SAMHD1: variants seen among roughly 807,000 people sequenced by gnomAD.
The protein encoded by SAMHD1 is deoxynucleoside triphosphate triphosphohydrolase SAMHD1.
Under a neutral mutation model 79.6 loss-of-function variants are expected in SAMHD1, and 54 were observed. The ratio of observed to expected loss-of-function variants is 0.68; its 90% CI spans 0.55 to 0.85. The LOEUF is 0.85. Ranked by LOEUF, SAMHD1 falls within the 40% of genes least tolerant of loss-of-function variation. SAMHD1 has a pLI of 0.00. For missense variants in SAMHD1, 663 were observed against 782.7 expected, an observed-to-expected ratio of 0.85 and a Z score of 1.82; for synonymous variants, 260 against 264.1, an observed-to-expected ratio of 0.98 and a Z score of 0.15.
chr20:36,913,248 C>T (rs867329649), intron 9 of SAMHD1, among the ~76,000 whole-genome samples: 26 of 151,180 alleles, frequency 1.7e-4, no homozygotes, highest in African/African-American at 5.6e-4. Flanking sequence ...CTGCCCGCCT[C>T]GGCCTCCCAT....
chr20:36,921,799 C>T lies in SAMHD1; in HGVS notation c.697-2280G>A, dbSNP rs562798282. On this transcript the variant is annotated intron_variant, in intron 6 of 15. Coordinates refer to ENST00000646673, the MANE Select transcript of SAMHD1 (RefSeq NM_015474.4). The stretch of plus-strand genomic sequence containing the variant: ...CGCCTCCCAGGTTCAGGTGATTCTC[C>T]TGCCTCAGCCTCCCGAGTAGCTGGG... Among the ~76,000 whole-genome samples, 4 of 151,974 alleles carry T rather than the reference C, an allele frequency of 2.6e-5. No homozygotes were observed. In the South Asian group the frequency reaches 8.3e-4, roughly 31 times the overall value.
chr20:36,937,535 G>T (rs1189002536), intron 3 of SAMHD1, among the ~76,000 whole-genome samples: 4 of 152,152 alleles, frequency 2.6e-5, no homozygotes, highest in Non-Finnish European at 2.9e-5. Context: ...ATCAAATTGT[G>T]TGTGATTGAA....
chr20:36,939,212 C>T (rs531939543), intron 3 of SAMHD1, among the ~76,000 whole-genome samples: 35 of 129,144 alleles, frequency 2.7e-4, no homozygotes, highest in Non-Finnish European at 4.9e-4. Context: ...TGATACCATG[C>T]CACTGCACTC....
At chr20:36,924,906 C>T (rs6093632) in intron 6 of SAMHD1, among the ~76,000 whole-genome samples, 30,434 of 151,712 alleles carry the variant, frequency 0.2, 3,603 homozygotes, top group African/African-American at 0.32. Flanking sequence ...CGTCTGTAAT[C>T]CCAGCGCTTT....
chr20:36,932,451 C>T (rs1272880016), intron 4 of SAMHD1, among the ~76,000 whole-genome samples: 2 of 126,450 alleles, frequency 1.6e-5, no homozygotes, highest in African/African-American at 3.1e-5. Context: ...TATACAGTTT[C>T]GTGTTTTTTT....
In SAMHD1 at chr20:36,898,525, C is replaced by G. The variant is rs1363652608; in HGVS notation, c.1523G>C (p.Gly508Ala). 6.2e-7 allele frequency: 1 copy of G among 1,613,454 alleles called. No individual in the cohort carries two copies. The highest frequency in any genetic ancestry group is 1.3e-5 in the African/African-American group (1 of 74,962). The stretch of plus-strand genomic sequence containing the variant: ...ATCAATTGGATTCTTTTCTTGCATT[C>G]CATAATCCATGTTGATAACCTAAAT... ...FIVDVINMDY[G>A]MQEKNPIDHV... Residue 508 changes from glycine to alanine, a missense_variant, in exon 14 of 16, where the codon GGA (glycine) becomes GCA (alanine). By Grantham distance (60) the Gly-to-Ala change is moderately conservative. Coordinates refer to ENST00000646673, the MANE Select transcript of SAMHD1 (RefSeq NM_015474.4).
At chr20:36,951,171 C>T (rs2063730575) in intron 1 of SAMHD1, among the ~76,000 whole-genome samples, 2 of 152,244 alleles carry the variant, frequency 1.3e-5, no homozygotes, top group South Asian at 4.1e-4. Flanking sequence ...CAGGCGACCC[C>T]ATGTCTTCTT....
intron 1 of SAMHD1, among the ~76,000 whole-genome samples, chr20:36,949,675 T>A (rs1368890880): frequency 4.8e-5 from 7 of 146,310 alleles, no homozygotes; most frequent in Non-Finnish European, 1.0e-4. Context: ...GAGAATAGCT[T>A]GAACCAGGCA....
intron 9 of SAMHD1, among the ~76,000 whole-genome samples, chr20:36,914,893 T>C (rs1215370448): frequency 6.7e-6 from 1 of 150,126 alleles, no homozygotes; most frequent in Admixed American, 6.6e-5. Flanking sequence ...GCGCCTGTGG[T>C]CCCAGCTATT....
intron 9 of SAMHD1, chr20:36,916,492 C>CA: frequency 9.0e-6 from 4 of 443,788 alleles, no homozygotes; most frequent in South Asian, 7.3e-5. Flanking sequence ...ACCAACCAAA[C>CA]AAAAAAACCC....
At chr20:36,913,599 A>C (rs1000664772) in intron 9 of SAMHD1, among the ~76,000 whole-genome samples, 1 of 149,686 alleles carries the variant, frequency 6.7e-6, no homozygotes, top group Non-Finnish European at 1.5e-5. Flanking sequence ...CAAGACTCCA[A>C]CTCAAAGAAA....
intron 9 of SAMHD1, among the ~76,000 whole-genome samples, chr20:36,915,553 A>G (rs2063469332): frequency 1.3e-5 from 2 of 151,972 alleles, no homozygotes; most frequent in Middle Eastern, 3.2e-3. Flanking sequence ...CCTGGCCAAC[A>G]TGGTGAAACC....
chr20:36,911,523 G>A (rs6130090), intron 10 of SAMHD1, 190 bp from the exon 11 acceptor site: 3 of 583,922 alleles, frequency 5.1e-6, no homozygotes, highest in Non-Finnish European at 9.2e-6. Flanking sequence ...CTGTGTTCCA[G>A]GCACTGTCGC....
At chr20:36,903,539 A>ATCT (rs2063387918) in intron 13 of SAMHD1, among the ~76,000 whole-genome samples, 18 of 145,424 alleles carry the variant, frequency 1.2e-4, no homozygotes, top group African/African-American at 3.3e-4. Context: ...GTGCCCAGCA[A>ATCT]TTTTTTTTTT....
In SAMHD1 at chr20:36,946,774, C is replaced by G; in HGVS notation, c.239G>C (p.Cys80Ser). Residue 80 changes from cysteine (C) to serine (S), a missense_variant, in exon 2 of 16, where the codon TGT (cysteine) becomes TCT (serine). By Grantham distance (112) the Cys-to-Ser change is moderately radical. Coordinates refer to ENST00000646673, the MANE Select transcript of SAMHD1 (RefSeq NM_015474.4). ...ENEITGALLP[C>S]LDESRFENLG... ...ATTTTCAAAACGAGACTCATCAAGACAAGGCAGTAATGCGCCTGTGATTTC... is the reference window on the plus strand; with the variant it reads ...ATTTTCAAAACGAGACTCATCAAGAGAAGGCAGTAATGCGCCTGTGATTTC... 6.2e-7 allele frequency: 1 copy of G among 1,613,248 alleles called. No individual in the cohort carries two copies. The highest frequency in any genetic ancestry group is 8.5e-7 in the Non-Finnish European group (1 of 1,179,482).
At chr20:36,922,720 T>C (rs1447029598) in intron 6 of SAMHD1, among the ~76,000 whole-genome samples, 1 of 152,168 alleles carries the variant, frequency 6.6e-6, no homozygotes, top group Admixed American at 6.5e-5. Flanking sequence ...TCTCACTCTG[T>C]TACCTACGTT....
intron 13 of SAMHD1, among the ~76,000 whole-genome samples, chr20:36,902,395 C>A (rs537137731): frequency 2.6e-5 from 4 of 152,272 alleles, no homozygotes; most frequent in Admixed American, 2.6e-4. Flanking sequence ...GTTGGCCAGG[C>A]TGGTCCCGAA....
chr20:36,948,054 A>C lies in SAMHD1; in HGVS notation c.209-1250T>G, dbSNP rs563932114. Among the ~76,000 whole-genome samples the C allele has an allele frequency of 1.2e-3, 186 of 152,236 alleles. 1 individual carries two copies. Among genetic ancestry groups the C allele is most frequent in the Non-Finnish European group, 1.4e-3 (96 of 68,004 alleles). ...CCAAAGACCTAACCTTAAAAAATCT[A>C]GCTCTTTTTTGTAGTGGTGTGATCT... On this transcript the variant is annotated intron_variant, in intron 1 of 15. Transcript: ENST00000646673.
At chr20:36,943,094 G>A (rs1273924909) in intron 2 of SAMHD1, among the ~76,000 whole-genome samples, 1 of 152,126 alleles carries the variant, frequency 6.6e-6, no homozygotes, top group Non-Finnish European at 1.5e-5. Flanking sequence ...ATTAATCTTG[G>A]GGTGAACTCT....
Sources: gnomAD v4.1 joint callset for allele counts (sites outside exome capture counted in the v4.1 genomes callset) on GRCh38, gnomAD v4.1.1 for gene constraint, MANE v1.5 for transcripts, NCBI Gene and HGNC (gene_info 2026-07-23, HGNC 2026-07-21) for gene names.